The following UTRN variants were observed in gnomAD, a reference collection of about 807,000 sequenced individuals.
The protein encoded by UTRN is utrophin.
UTRN carries 283 observed loss-of-function variants against 463.9 expected under a neutral mutation model. The observed-to-expected ratio is 0.61, with a 90% CI of 0.55 to 0.67. The LOEUF is 0.67. Ranked by LOEUF, UTRN falls within the 30% of genes least tolerant of loss-of-function variation. The pLI, the probability that UTRN is intolerant of heterozygous loss-of-function variation, is 0.00. For missense variants in UTRN, 3,922 were observed against 4,084.3 expected (o/e 0.96, Z 1.08); for synonymous variants, 1,442 against 1,431.5 (o/e 1.01, Z -0.17).
chr6:144,739,398 A>G (rs971860240), intron 54 of UTRN, among the ~76,000 whole-genome samples: 27 of 152,344 alleles, frequency 1.8e-4, no homozygotes, highest in African/African-American at 6.5e-4. Context: ...TATTCTCCAT[A>G]TAACTTAAGG....
At chr6:144,443,248 T>C (rs1471129787) in intron 13 of UTRN, among the ~76,000 whole-genome samples, 4 of 152,204 alleles carry the variant, frequency 2.6e-5, no homozygotes, top group Admixed American at 2.6e-4. Context: ...TGAGGTCCTT[T>C]TGCTTTTGTG....
intron 34 of UTRN, among the ~76,000 whole-genome samples, chr6:144,502,796 G>T (rs1188800366): frequency 1.3e-5 from 2 of 152,266 alleles, no homozygotes; most frequent in African/African-American, 4.8e-5. Context: ...TGGGTCAAAT[G>T]ATATTTCTGG....
intron 65 of UTRN, among the ~76,000 whole-genome samples, chr6:144,809,054 T>C (rs2128749324): frequency 6.6e-6 from 1 of 152,278 alleles, no homozygotes; most frequent in East Asian, 1.9e-4. Context: ...ATATGATAGT[T>C]CTATTTTTAA....
chr6:144,448,822 T>C, intron 17 of UTRN, 53 bp downstream of exon 17: 1 of 1,571,802 alleles, frequency 6.4e-7, no homozygotes, highest in Non-Finnish European at 8.7e-7. Context: ...TACTATATTT[T>C]CTACTTGGTG....
intron 50 of UTRN, among the ~76,000 whole-genome samples, chr6:144,568,314 G>C (rs1800609599): frequency 6.6e-6 from 1 of 151,972 alleles, no homozygotes; most frequent in Non-Finnish European, 1.5e-5. Flanking sequence ...TTTTTAGTCT[G>C]TGTTCTTTGT....
chr6:144,708,310 A>G (rs1219875464), intron 53 of UTRN: 1 of 666,720 alleles, frequency 1.5e-6, no homozygotes, highest in Non-Finnish European at 2.9e-6. Flanking sequence ...AAGACCATGT[A>G]TAAACCAAGA....
chr6:144,447,193 T>C lies in UTRN; in HGVS notation c.1615-18T>C. On this transcript the variant is annotated intron_variant, in intron 14 of 74. Coordinates refer to ENST00000367545, the MANE Select transcript of UTRN (RefSeq NM_007124.3). Reference sequence around the variant, plus strand: ...AATGATTTTGCAGATAAAGTTCAACTTTTGTTATTACTTGTAGTGCTTGTT... The same window carrying C: ...AATGATTTTGCAGATAAAGTTCAACCTTTGTTATTACTTGTAGTGCTTGTT... 1 of 1,603,610 alleles carries C rather than the reference T, an allele frequency of 6.2e-7. No individual in the cohort carries two copies. The highest frequency in any genetic ancestry group is 8.5e-7 in the Non-Finnish European group (1 of 1,176,014).
Position 144,286,267 on chromosome 6 carries a change from C to A in UTRN, c.-93+446C>A, listed in dbSNP as rs1410057524. 6.6e-6 allele frequency among the ~76,000 whole-genome samples: 1 copy of A among 152,178 alleles called. No individual in the cohort carries two copies. The highest frequency in any genetic ancestry group is 1.5e-5 in the Non-Finnish European group (1 of 68,026). On this transcript the variant is annotated intron_variant, in intron 1 of 74. Transcript: ENST00000367545. The surrounding 1 kb of genome is among the most constrained non-coding windows in gnomAD (Gnocchi z 4.4). ...GGAGAGTCTGTCACAGACACCCGGG[C>A]CCGGGGAAGGCGGGGCTCCGGCGGT...
intron 2 of UTRN, among the ~76,000 whole-genome samples, chr6:144,370,762 G>T (rs1000421533): frequency 3.3e-5 from 5 of 152,202 alleles, no homozygotes; most frequent in Non-Finnish European, 7.3e-5. Context: ...GGTCGGAGCT[G>T]CCCAAGACCA....
intron 51 of UTRN, among the ~76,000 whole-genome samples, chr6:144,620,417 C>G (rs1775233437): frequency 6.6e-6 from 1 of 151,116 alleles, no homozygotes; most frequent in Non-Finnish European, 1.5e-5. Context: ...ACTTACAGGC[C>G]TTTCTTATTT....
chr6:144,769,492 T>A (rs1164274864), intron 58 of UTRN, among the ~76,000 whole-genome samples: 7 of 152,192 alleles, frequency 4.6e-5, no homozygotes, highest in Non-Finnish European at 8.8e-5. Context: ...CCGTCAGCTC[T>A]CAGTAGTGGT....
At chr6:144,749,255 C>CTG (rs1295552504) in intron 55 of UTRN, among the ~76,000 whole-genome samples, 4 of 152,102 alleles carry the variant, frequency 2.6e-5, no homozygotes, top group Admixed American at 2.6e-4. Flanking sequence ...ATCTCATTGA[C>CTG]AGTGTAGTCA....
At chr6:144,455,557 A>G (rs1326748893) in intron 19 of UTRN, among the ~76,000 whole-genome samples, 1 of 152,172 alleles carries the variant, frequency 6.6e-6, no homozygotes, top group East Asian at 1.9e-4. Context: ...ATTTACTCCC[A>G]TTTCTGTCAG....
At chr6:144,493,864 A>G (rs898145548) in intron 33 of UTRN, among the ~76,000 whole-genome samples, 6 of 152,138 alleles carry the variant, frequency 3.9e-5, no homozygotes, top group African/African-American at 1.2e-4. Context: ...AAAATTAGCC[A>G]TGGTGGTGAG....
chr6:144,532,502 C>T (rs754179516), intron 42 of UTRN, among the ~76,000 whole-genome samples: 5 of 152,140 alleles, frequency 3.3e-5, no homozygotes, highest in Non-Finnish European at 5.9e-5. Flanking sequence ...TAGAACAACA[C>T]GAGGGTAACC....
chr6:144,537,385 AAGC>A (rs1365992813), intron 43 of UTRN, among the ~76,000 whole-genome samples, 194 bp from the exon 44 acceptor site: 1 of 151,946 alleles, frequency 6.6e-6, no homozygotes, highest in Non-Finnish European at 1.5e-5. Flanking sequence ...CTAAGGAAAA[AAGC>A]TTCTTGGTCT....
At chr6:144,759,534 T>C (rs1464134807) in intron 58 of UTRN, among the ~76,000 whole-genome samples, 1 of 152,000 alleles carries the variant, frequency 6.6e-6, no homozygotes, top group Non-Finnish European at 1.5e-5. Context: ...CCTGTGAAAA[T>C]GTTAGGTTAC....
chr6:144,782,233 C>T (rs893629815), intron 61 of UTRN, 110 bp downstream of exon 61: 69 of 909,524 alleles, frequency 7.6e-5, no homozygotes, highest in Non-Finnish European at 1.0e-4. Flanking sequence ...AATTACTTTC[C>T]CAGTGGAAAT....
At chr6:144,557,364 T>A in intron 50 of UTRN, 53 bp downstream of exon 50, 3 of 1,551,926 alleles carry the variant, frequency 1.9e-6, no homozygotes, top group Middle Eastern at 4.0e-4. Flanking sequence ...GAGAATTTGA[T>A]GGCTTTGGCT....
Sources: allele counts gnomAD v4.1 joint callset (sites outside exome capture counted in the v4.1 genomes callset), GRCh38; gene constraint gnomAD v4.1.1; non-coding constraint Gnocchi (gnomAD v3.1); transcripts MANE v1.5; gene names NCBI Gene and HGNC (gene_info 2026-07-23, HGNC 2026-07-21).